The following CRISPLD1 variants were observed in gnomAD, a reference collection of about 807,000 sequenced individuals.
CRISPLD1 encodes cysteine-rich secretory protein LCCL domain-containing 1.
A neutral mutation model predicts 77.5 loss-of-function variants in CRISPLD1; 60 were observed. The ratio of observed to expected loss-of-function variants is 0.77; its 90% CI spans 0.63 to 0.96. CRISPLD1 has a LOEUF of 0.96. Among genes scored for constraint, CRISPLD1 ranks in the 40% least tolerant of loss-of-function variants. CRISPLD1 has a pLI of 0.00. For synonymous variants in CRISPLD1, 195 were observed against 200.1 expected (o/e 0.97, Z 0.22); for missense variants, 623 against 615.8 (o/e 1.01, Z -0.12).
In CRISPLD1 at chr8:75,012,896, G is replaced by C; in HGVS notation, c.384G>C (p.Arg128Ser). 1 of 1,610,252 alleles carries C rather than the reference G, an allele frequency of 6.2e-7. No individual in the cohort carries two copies. The highest frequency in any genetic ancestry group is 2.2e-5 in the East Asian group (1 of 44,792). Residue 128 changes from arginine to serine, a missense_variant, in exon 4 of 15, where the codon AGG becomes AGC. Coordinates refer to ENST00000262207, the MANE Select transcript of CRISPLD1 (RefSeq NM_031461.6). ...ACTATTTTCTTTCTAATAGATATAG[G>C]CCCCCGACGTTTCATGTACAATCGT... ...QNLGAHWGRYRPPTFHVQSWY... is the reference protein window; with the variant it reads ...QNLGAHWGRYSPPTFHVQSWY...
At chr8:75,006,807 G>A (rs182953799) in intron 2 of CRISPLD1, among the ~76,000 whole-genome samples, 3 of 151,890 alleles carry the variant, frequency 2.0e-5, no homozygotes, top group East Asian at 1.9e-4. Flanking sequence ...ACAACTTTGT[G>A]GATAAATGAA....
rs1390716455 is a variant in CRISPLD1, at chr8:75,016,893, C to T, written c.881C>T (p.Ser294Phe). 6 of 1,569,196 alleles carry T rather than the reference C, an allele frequency of 3.8e-6. No homozygotes were observed. The highest frequency in any genetic ancestry group is 5.2e-6 in the Non-Finnish European group (6 of 1,156,358). Residue 294 changes from serine to phenylalanine, a missense_variant, in exon 8 of 15, where the codon TCT becomes TTT. Physicochemically the swap from Ser to Phe is radical, Grantham distance 155. Transcript: ENST00000262207. ...ISAQQMSQIVSCEVRLRDQCK... is the reference protein window; with the variant it reads ...ISAQQMSQIVFCEVRLRDQCK... Reference sequence around the variant, plus strand: ...TTTTTCTTTGTAGCCCAAATTGTTTCTTGTGAAGTAAGATTAAGAGATCAG... The same window carrying T: ...TTTTTCTTTGTAGCCCAAATTGTTTTTTGTGAAGTAAGATTAAGAGATCAG...
At chr8:75,006,773 G>A (rs1812838713) in intron 2 of CRISPLD1, among the ~76,000 whole-genome samples, 1 of 151,766 alleles carries the variant, frequency 6.6e-6, no homozygotes, top group South Asian at 2.1e-4. Context: ...TGGTCTCTGT[G>A]GTAGACTAAT....
At chr8:75,029,234 T>A in intron 13 of CRISPLD1, 153 bp from the exon 14 acceptor site, 1 of 778,462 alleles carries the variant, frequency 1.3e-6, no homozygotes, top group South Asian at 2.0e-5. Context: ...TTTCAAACAC[T>A]CTTTTATGCA....
At chr8:75,017,242 A>G (rs1813048322) in intron 9 of CRISPLD1, 78 bp from the exon 10 acceptor site, 5 of 1,550,114 alleles carry the variant, frequency 3.2e-6, no homozygotes. Flanking sequence ...ATTGAAAGTC[A>G]CATAAGTGGT....
intron 5 of CRISPLD1, 32 bp downstream of exon 5, chr8:75,014,134 C>G (rs1176238150): frequency 7.4e-7 from 1 of 1,352,778 alleles, no homozygotes; most frequent in Non-Finnish European, 1.1e-6. Flanking sequence ...TTCAGATGTA[C>G]ATTTTTCTTA....
chr8:75,032,415 T>C lies in CRISPLD1; in HGVS notation c.*173T>C, dbSNP rs184510160. The C allele has an allele frequency of 2.3e-6, 1 of 434,324 alleles. No individual in the cohort carries two copies. The highest frequency in any genetic ancestry group is 4.2e-6 in the Non-Finnish European group (1 of 239,362). 26.9% of individuals were successfully genotyped at this position (434,324 alleles called of 1,614,324 possible). A position where few individuals can be genotyped will look rare whatever the true frequency, so the allele number is the denominator to read the frequency against. On this transcript the variant is annotated 3_prime_UTR_variant, in exon 15 of 15. Transcript: ENST00000262207. ...GTCTATAAAATAAAACATGGGACAT[T>C]AGCTTTGGGAAAAGTAATGAAAATA...
chr8:74,993,782 T>C (rs1812609390), intron 2 of CRISPLD1, among the ~76,000 whole-genome samples: 1 of 152,260 alleles, frequency 6.6e-6, no homozygotes, highest in Admixed American at 6.5e-5. Flanking sequence ...TGTGCTTTTA[T>C]TCATTCCTTT....
intron 2 of CRISPLD1, chr8:75,000,357 T>C: frequency 2.0e-6 from 2 of 985,408 alleles, no homozygotes; most frequent in South Asian, 9.4e-5. Flanking sequence ...TGGAAACTCC[T>C]GTGTGGAAAG....
intron 2 of CRISPLD1, among the ~76,000 whole-genome samples, chr8:74,997,924 C>T (rs895669639): frequency 2.0e-5 from 3 of 151,886 alleles, no homozygotes; most frequent in South Asian, 2.1e-4. Flanking sequence ...GAATGGGAGG[C>T]GAGGAAGTAG....
intron 2 of CRISPLD1, among the ~76,000 whole-genome samples, chr8:74,998,534 A>G (rs1812680408): frequency 6.6e-6 from 1 of 151,888 alleles, no homozygotes. Flanking sequence ...TTAAAAATAG[A>G]AAAATTAGCC....
Position 75,017,308 on chromosome 8 carries a change from CT to C in CRISPLD1, c.997-6del. The stretch of plus-strand genomic sequence containing the variant: ...ATTTTTAACATCTTTTTATCTCCTC[CT>C]TTTTTCCAAGCAATCCAGCATCTGT... On this transcript the variant is annotated splice_polypyrimidine_tract_variant and intron_variant, in intron 9 of 14. Coordinates refer to ENST00000262207, the MANE Select transcript of CRISPLD1 (RefSeq NM_031461.6). 2 of 1,607,140 alleles carry C rather than the reference CT, an allele frequency of 1.2e-6. No individual in the cohort carries two copies. The highest frequency in any genetic ancestry group is 1.1e-5 in the South Asian group (1 of 89,056).
intron 13 of CRISPLD1, 85 bp downstream of exon 13, chr8:75,025,706 A>G (rs984502596): frequency 3.0e-5 from 18 of 596,808 alleles, no homozygotes; most frequent in Admixed American, 1.0e-4. Context: ...ATGTACATTT[A>G]TATACAGAGC....
At chr8:75,014,784 T>G in intron 5 of CRISPLD1, 28 bp from the exon 6 acceptor site, 1 of 1,488,896 alleles carries the variant, frequency 6.7e-7, no homozygotes, top group Non-Finnish European at 9.3e-7. Context: ...TTAGACTACT[T>G]TTTAATAGAG....
rs1812560066 is a variant in CRISPLD1, at chr8:74,990,755, A to G, written c.258+4510A>G. Among the ~76,000 whole-genome samples the G allele has an allele frequency of 2.0e-5, 3 of 149,114 alleles. No individual in the cohort carries two copies. The South Asian group carries it at 6.4e-4, about 32-fold the overall frequency. On this transcript the variant is annotated intron_variant, in intron 2 of 14. Transcript: ENST00000262207. The stretch of plus-strand genomic sequence containing the variant: ...TTAATATCACTAACATCTTCTCAGT[A>G]CTTTCTAAGAAACATACAAAAAAAA...
chr8:75,006,851 G>A (rs928739695), intron 2 of CRISPLD1, among the ~76,000 whole-genome samples: 1 of 151,860 alleles, frequency 6.6e-6, no homozygotes, highest in South Asian at 2.1e-4. Context: ...ATCTTTGGGG[G>A]TAATTTATAT....
chr8:75,014,921 T>A lies in CRISPLD1; in HGVS notation c.727+9T>A. The stretch of plus-strand genomic sequence containing the variant: ...AAATCTGTGCTACAAAGGTAAGTGC[T>A]ATTGTGTTGTGGTATTCATGTTGAT... On this transcript the variant is annotated intron_variant, in intron 6 of 14. Coordinates refer to ENST00000262207, the MANE Select transcript of CRISPLD1 (RefSeq NM_031461.6). 1 of 1,533,224 alleles carries A rather than the reference T, an allele frequency of 6.5e-7. No individual in the cohort carries two copies. The highest frequency in any genetic ancestry group is 1.2e-5 in the South Asian group (1 of 81,214). 95.0% of individuals were successfully genotyped at this position (1,533,224 alleles called of 1,614,324 possible). A position where few individuals can be genotyped will look rare whatever the true frequency, so the allele number is the denominator to read the frequency against.
chr8:75,016,791 A>C, intron 7 of CRISPLD1, 86 bp downstream of exon 7: 11 of 1,550,394 alleles, frequency 7.1e-6, no homozygotes, highest in Admixed American at 2.0e-5. Context: ...ACATTTTTAG[A>C]ATGGAAAAAA....
intron 2 of CRISPLD1, among the ~76,000 whole-genome samples, chr8:75,006,501 T>C (rs1422647031): frequency 2.6e-5 from 4 of 152,138 alleles, no homozygotes; most frequent in African/African-American, 9.7e-5. Context: ...AAAGTCTCAT[T>C]GTAGCTTCAT....
Sources: gnomAD v4.1 joint callset for allele counts (sites outside exome capture counted in the v4.1 genomes callset) on GRCh38, gnomAD v4.1.1 for gene constraint, MANE v1.5 for transcripts, NCBI Gene and HGNC (gene_info 2026-07-23, HGNC 2026-07-21) for gene names.